The following SLC2A13 variants were observed in gnomAD, a reference collection of about 807,000 sequenced individuals.
The protein encoded by SLC2A13 is proton myo-inositol cotransporter.
SLC2A13 carries 32 observed loss-of-function variants against 64.4 expected under a neutral mutation model. That is an observed-to-expected ratio of 0.50 (90% CI 0.37 to 0.67). SLC2A13 has a LOEUF of 0.67. SLC2A13 is among the 30% of genes least tolerant of loss of function. The pLI is 0.00. For missense variants in SLC2A13, 743 were observed against 829.2 expected (o/e 0.90, Z 1.28); for synonymous variants, 338 against 327.1 (o/e 1.03, Z -0.36).
chr12:39,980,163 C>A (rs866891071), intron 3 of SLC2A13, among the ~76,000 whole-genome samples: 2,353 of 151,098 alleles, frequency 0.016, 52 homozygotes, highest in African/African-American at 0.053. Context: ...TAAAAGAGCT[C>A]CTGAAGGAAG....
At chr12:40,050,202 T>TACA (rs749389288) in intron 1 of SLC2A13, among the ~76,000 whole-genome samples, 1 of 151,948 alleles carries the variant, frequency 6.6e-6, no homozygotes, top group Non-Finnish European at 1.5e-5. Flanking sequence ...AACAATAATT[T>TACA]ACAACTTGGA....
At chr12:39,762,670 T>C (rs2135710395) in intron 9 of SLC2A13, among the ~76,000 whole-genome samples, 1 of 152,138 alleles carries the variant, frequency 6.6e-6, no homozygotes, top group Non-Finnish European at 1.5e-5. Flanking sequence ...ACGATTAGGA[T>C]GTATATTTAT....
At chr12:39,999,522 T>G (rs1947289544) in intron 3 of SLC2A13, among the ~76,000 whole-genome samples, 2 of 152,180 alleles carry the variant, frequency 1.3e-5, no homozygotes, top group South Asian at 4.1e-4. Context: ...TCTCCTGCAA[T>G]ACCCTCAGGC....
intron 6 of SLC2A13, among the ~76,000 whole-genome samples, chr12:39,843,062 A>C (rs1031802204): frequency 6.6e-6 from 1 of 152,034 alleles, no homozygotes; most frequent in Admixed American, 6.6e-5. Context: ...TTTATAAAAA[A>C]AACTGTTGCT....
chr12:39,959,220 GT>G (rs1946367610), intron 3 of SLC2A13, among the ~76,000 whole-genome samples: 2 of 152,204 alleles, frequency 1.3e-5, no homozygotes, highest in South Asian at 4.1e-4. Context: ...AGCAGATGAT[GT>G]TTGTGATTAC....
intron 4 of SLC2A13, among the ~76,000 whole-genome samples, chr12:39,934,166 G>C (rs1945879503): frequency 6.6e-6 from 1 of 152,164 alleles, no homozygotes. Context: ...GCCTCAAAAA[G>C]AATTCTTTTA....
In SLC2A13 at chr12:39,915,953, A is replaced by G. The variant is rs113364021; in HGVS notation, c.1034+35304T>C. ...CAAGAAGGCTCGACCACTTACATTT[A>G]TTCAAAAGACAAAGAATACCTCCAA... On this transcript the variant is annotated intron_variant, in intron 4 of 9. Transcript: ENST00000280871. Among the ~76,000 whole-genome samples, 703 of 151,412 alleles carry G rather than the reference A, an allele frequency of 4.6e-3. 22 individuals carry two copies. In the East Asian group the frequency reaches 0.066, roughly 14 times the overall value.
chr12:39,872,053 A>C, intron 4 of SLC2A13, 92 bp from the exon 5 acceptor site: 2 of 1,121,894 alleles, frequency 1.8e-6, no homozygotes, highest in Non-Finnish European at 2.4e-6. Context: ...ATTTGAAAAA[A>C]ATATAAGGAG....
chr12:39,955,948 G>T (rs1464620929), intron 3 of SLC2A13, among the ~76,000 whole-genome samples: 1 of 152,158 alleles, frequency 6.6e-6, no homozygotes, highest in Non-Finnish European at 1.5e-5. Flanking sequence ...ACTGCGTTAA[G>T]CTACCAAATT....
intron 6 of SLC2A13, among the ~76,000 whole-genome samples, chr12:39,861,888 A>G (rs1229469069): frequency 6.6e-6 from 1 of 152,172 alleles, no homozygotes; most frequent in Non-Finnish European, 1.5e-5. Context: ...TTTAATTTTA[A>G]GTTCCAGGAT....
intron 3 of SLC2A13, among the ~76,000 whole-genome samples, chr12:39,991,711 C>T (rs989634939): frequency 4.6e-5 from 7 of 152,092 alleles, no homozygotes; most frequent in Non-Finnish European, 1.0e-4. Context: ...ACTCACCATC[C>T]TATTATTTTT....
At chr12:39,915,978 A>T (rs1945515640) in intron 4 of SLC2A13, among the ~76,000 whole-genome samples, 1 of 151,940 alleles carries the variant, frequency 6.6e-6, no homozygotes, top group East Asian at 1.9e-4. Context: ...AATACCTCCA[A>T]ATGCCTTTTA....
intron 1 of SLC2A13, among the ~76,000 whole-genome samples, chr12:40,093,005 G>T (rs921769418): frequency 1.3e-5 from 2 of 152,192 alleles, no homozygotes; most frequent in Non-Finnish European, 2.9e-5. Flanking sequence ...TAATAAGTTT[G>T]CATTTCTGTT....
At chr12:40,025,418 GA>G (rs1947787317) in intron 3 of SLC2A13, among the ~76,000 whole-genome samples, 1 of 151,360 alleles carries the variant, frequency 6.6e-6, no homozygotes, top group African/African-American at 2.4e-5. Context: ...AAGTGAACAA[GA>G]AAAAAAAATT....
At chr12:40,038,710 GACAGAGCAAGACCCTGTC>G (rs1948030663) in intron 2 of SLC2A13, among the ~76,000 whole-genome samples, 1 of 135,876 alleles carries the variant, frequency 7.4e-6, no homozygotes. Flanking sequence ...CAGCCTGGGT[GACAGAGCAAGACCCTGTC>G]TCAAAAAAAA....
chr12:39,790,483 T>C (rs1222646315), intron 7 of SLC2A13, among the ~76,000 whole-genome samples: 3 of 150,812 alleles, frequency 2.0e-5, no homozygotes, highest in Non-Finnish European at 4.4e-5. Flanking sequence ...GGTTTTTTGT[T>C]CTTGTGATAG....
intron 3 of SLC2A13, among the ~76,000 whole-genome samples, chr12:39,962,037 TC>T (rs1204811937): frequency 6.6e-6 from 1 of 152,230 alleles, no homozygotes; most frequent in East Asian, 1.9e-4. Context: ...ATGCCTTTTC[TC>T]CCTCTATGGA....
chr12:39,907,043 C>T (rs1203884540), intron 4 of SLC2A13, among the ~76,000 whole-genome samples: 1 of 152,072 alleles, frequency 6.6e-6, no homozygotes, highest in Non-Finnish European at 1.5e-5. Flanking sequence ...TGCAAATTAA[C>T]CCATAAATCA....
rs1273872644 is a variant in SLC2A13, at chr12:39,980,548, A to C, written c.926-29183T>G. Among the ~76,000 whole-genome samples the C allele has an allele frequency of 2.6e-5, 4 of 151,968 alleles. No individual in the cohort carries two copies. In the South Asian group the frequency reaches 6.3e-4, roughly 24 times the overall value. ...CCTAGTCTCTGATAAAGCAGACTTTAAACCAACAAAGATCAAAAGAGACAA... is the reference window on the plus strand; with the variant it reads ...CCTAGTCTCTGATAAAGCAGACTTTCAACCAACAAAGATCAAAAGAGACAA... On this transcript the variant is annotated intron_variant, in intron 3 of 9. Transcript: ENST00000280871.
Sources: allele counts gnomAD v4.1 joint callset (sites outside exome capture counted in the v4.1 genomes callset), GRCh38; gene constraint gnomAD v4.1.1; transcripts MANE v1.5; gene names NCBI Gene and HGNC (gene_info 2026-07-23, HGNC 2026-07-21).